Variants in ANK3 observed in about 807,000 individuals in gnomAD.
ANK3 encodes the protein ankyrin-3.
A neutral mutation model predicts 370.9 loss-of-function variants in ANK3; 57 were observed. The observed-to-expected ratio is 0.15, with a 90% CI of 0.12 to 0.19. ANK3 has a LOEUF of 0.19. Among genes scored for constraint, ANK3 ranks in the 10% least tolerant of loss-of-function variants. The pLI, the probability that ANK3 is intolerant of heterozygous loss-of-function variation, is 1.00. For missense variants in ANK3, 4,439 were observed against 5,302.1 expected, an observed-to-expected ratio of 0.84 and a Z score of 5.06; for synonymous variants, 1,929 against 1,946.3, an observed-to-expected ratio of 0.99 and a Z score of 0.23.
intron 1 of ANK3, among the ~76,000 whole-genome samples, chr10:60,295,102 A>G (rs2132770383): frequency 6.6e-6 from 1 of 152,120 alleles, no homozygotes; most frequent in East Asian, 1.9e-4. Context: ...AGGAGCAAAG[A>G]CTCCTATTTA....
intron 1 of ANK3, among the ~76,000 whole-genome samples, chr10:60,314,022 T>A (rs2046926016): frequency 6.6e-6 from 1 of 151,694 alleles, no homozygotes. Context: ...GAGTGTGCAC[T>A]CTTCTAAGAC....
At chr10:60,593,598 T>C (rs2077946779) in intron 2 of ANK3, among the ~76,000 whole-genome samples, 1 of 152,204 alleles carries the variant, frequency 6.6e-6, no homozygotes, top group Non-Finnish European at 1.5e-5. Context: ...ACATTCTCAA[T>C]ATTTCTAAAA....
chr10:60,547,403 C>T lies in ANK3; in HGVS notation c.96+67783G>A, dbSNP rs58178380. On this transcript the variant is annotated intron_variant, in intron 2 of 43. Coordinates refer to the ANK3 transcript ENST00000373827. Reference sequence around the variant, plus strand: ...ATCGCTCCCGGTCCTTTTCTTTTTTCTTTTCTTTGTTTTTTTAAGACAGAG... The same window carrying T: ...ATCGCTCCCGGTCCTTTTCTTTTTTTTTTTCTTTGTTTTTTTAAGACAGAG... Among the ~76,000 whole-genome samples, 144 of 151,386 alleles carry T rather than the reference C, an allele frequency of 9.5e-4. 1 individual carries two copies. The highest frequency in any genetic ancestry group is 3.3e-3 in the African/African-American group (138 of 41,300).
intron 2 of ANK3, among the ~76,000 whole-genome samples, chr10:60,442,911 A>AATC (rs1203424805): frequency 1.3e-5 from 2 of 152,246 alleles, no homozygotes; most frequent in Non-Finnish European, 2.9e-5. Context: ...ATTCAAACTT[A>AATC]GACTGCTAAA....
At chr10:60,396,198 G>A (rs1013445203) in intron 2 of ANK3, among the ~76,000 whole-genome samples, 2 of 152,280 alleles carry the variant, frequency 1.3e-5, no homozygotes, top group African/African-American at 2.4e-5. Context: ...AGTAACAAGT[G>A]CTATGAAGAA....
intron 23 of ANK3, among the ~76,000 whole-genome samples, chr10:60,158,877 T>C (rs2095424334): frequency 6.6e-6 from 1 of 152,008 alleles, no homozygotes; most frequent in African/African-American, 2.4e-5. Context: ...GGTTTCACCA[T>C]GTTGCCCAGG....
intron 2 of ANK3, among the ~76,000 whole-genome samples, chr10:60,461,861 C>T (rs2064892064): frequency 6.6e-6 from 1 of 152,150 alleles, no homozygotes; most frequent in African/African-American, 2.4e-5. Flanking sequence ...CCCTCTTCTG[C>T]AATCACCAAG....
intron 1 of ANK3, among the ~76,000 whole-genome samples, chr10:60,373,361 T>A (rs1657171351): frequency 6.6e-6 from 1 of 151,920 alleles, no homozygotes; most frequent in Non-Finnish European, 1.5e-5. Context: ...AGAATGCAAA[T>A]GAATAAGAAA....
chr10:60,696,014 TAAAG>T (rs1314033503), intron 1 of ANK3, among the ~76,000 whole-genome samples: 1 of 147,886 alleles, frequency 6.8e-6, no homozygotes, highest in African/African-American at 2.5e-5. Context: ...GCAAGACTAA[TAAAG>T]AAAAAAAGAG....
intron 1 of ANK3, among the ~76,000 whole-genome samples, chr10:60,353,156 TTG>T (rs2057178065): frequency 2.7e-5 from 4 of 148,662 alleles, no homozygotes; most frequent in South Asian, 2.2e-4. Context: ...AATTTTTGTT[TTG>T]TTTTTTTTTT....
chr10:60,059,511 G>C (rs2079909071), intron 40 of ANK3, 81 bp from the exon 41 acceptor site: 3 of 1,311,318 alleles, frequency 2.3e-6, no homozygotes, highest in African/African-American at 2.9e-5. Flanking sequence ...CATCTCCTCA[G>C]ACTCTACTCC....
intron 2 of ANK3, among the ~76,000 whole-genome samples, chr10:60,596,440 A>G (rs1320223863): frequency 4.6e-5 from 7 of 152,186 alleles, no homozygotes; most frequent in Non-Finnish European, 8.8e-5. Context: ...CAACAGTCGC[A>G]TACACAGTTG....
At position 60,208,106 on chromosome 10, in the gene ANK3, G is replaced by A; in HGVS notation, c.1124C>T (p.Ala375Val). Residue 375 changes from alanine to valine, a missense_variant, in exon 10 of 44, where the codon GCC becomes GTC. Physicochemically the swap from Ala to Val is moderately conservative, Grantham distance 64 (BLOSUM62 0). Around this residue, in one of 13 missense-constraint regions of ANK3, gnomAD observed 227 missense variants for 377.6 expected, o/e 0.60. Transcript: ENST00000280772. ...NDYLTALHVA[A>V]HCGHYKVAKV... ...GGCAACTTTGTAATGGCCACAGTGG[G>A]CAGCCACGTGTAGGGCAGTCAGGTA... The A allele has an allele frequency of 6.2e-7, 1 of 1,614,126 alleles. No homozygotes were observed. The highest frequency in any genetic ancestry group is 1.1e-5 in the South Asian group (1 of 91,082).
At chr10:60,178,475 A>C (rs187728126) in intron 18 of ANK3, among the ~76,000 whole-genome samples, 1 of 152,280 alleles carries the variant, frequency 6.6e-6, no homozygotes, top group Non-Finnish European at 1.5e-5. Context: ...AATAAATGAA[A>C]AGCACTTAGA....
intron 40 of ANK3, chr10:60,062,276 A>G (rs1385367443): frequency 6.6e-6 from 1 of 152,252 alleles, no homozygotes; most frequent in Non-Finnish European, 1.5e-5. Flanking sequence ...TCAAAAACAG[A>G]ACAAAAATTC....
chr10:60,418,353 C>T (rs1438324264), intron 2 of ANK3, among the ~76,000 whole-genome samples: 2 of 152,146 alleles, frequency 1.3e-5, no homozygotes, highest in African/African-American at 2.4e-5. Context: ...TTAACATTCC[C>T]TCATCTGCTA....
At chr10:60,535,163 C>T (rs1026687191) in intron 2 of ANK3, among the ~76,000 whole-genome samples, 4 of 152,092 alleles carry the variant, frequency 2.6e-5, no homozygotes, top group Non-Finnish European at 5.9e-5. Context: ...AATCATAGCA[C>T]TTGTAGATTT....
intron 2 of ANK3, among the ~76,000 whole-genome samples, chr10:60,491,705 T>C (rs2075510839): frequency 6.6e-6 from 1 of 152,108 alleles, no homozygotes; most frequent in South Asian, 2.1e-4. Flanking sequence ...AAAAGATTGA[T>C]CAAATGATTG....
intron 1 of ANK3, among the ~76,000 whole-genome samples, chr10:60,723,716 C>T (rs1182254747): frequency 1.3e-5 from 2 of 152,072 alleles, no homozygotes; most frequent in East Asian, 3.9e-4. Context: ...ACCAAGATAG[C>T]TGATTTTACA....
Sources: gnomAD v4.1 joint callset for allele counts (sites outside exome capture counted in the v4.1 genomes callset) on GRCh38, gnomAD v4.1.1 for gene constraint, gnomAD v4.1.1 regional missense constraint, MANE v1.5 for transcripts, NCBI Gene and HGNC (gene_info 2026-07-23, HGNC 2026-07-21) for gene names.